Variants in MDGA2 observed in about 807,000 individuals in gnomAD.
The protein encoded by MDGA2 is MAM domain-containing glycosylphosphatidylinositol anchor protein 2.
In MDGA2, 40 loss-of-function variants were observed where a neutral mutation model predicts 117.8. That is an observed-to-expected ratio of 0.34 (90% confidence interval 0.26 to 0.44). MDGA2 has a LOEUF of 0.44. Ranked by LOEUF, MDGA2 falls within the 20% of genes least tolerant of loss-of-function variation. MDGA2 has a pLI of 1.00. For missense variants in MDGA2, 1,123 were observed against 1,250.6 expected, an observed-to-expected ratio of 0.90 and a Z score of 1.54; for synonymous variants, 452 against 439.0, an observed-to-expected ratio of 1.03 and a Z score of -0.37.
rs997344515 is a variant in MDGA2, at chr14:46,855,980, G to A, written c.2753-826C>T. Among the ~76,000 whole-genome samples, 5 of 152,058 alleles carry A rather than the reference G, an allele frequency of 3.3e-5. No individual in the cohort carries two copies. Among genetic ancestry groups the A allele is most frequent in the East Asian group, 1.9e-4 (1 of 5,166 alleles). On this transcript the variant is annotated intron_variant, in intron 14 of 16. Coordinates refer to ENST00000399232, the MANE Select transcript of MDGA2 (RefSeq NM_001113498.3). The surrounding 1 kb of genome is among the most constrained non-coding windows in gnomAD (Gnocchi z 4.1). ...CTCTCTTTCAATAGTTTAATGTGCT[G>A]TACACAGTAATGATATTAATGATGA...
At position 47,133,039 on chromosome 14, in the gene MDGA2, T is replaced by C. The variant is rs141277425; in HGVS notation, c.793-1193A>G. ...TCTAGTGTGCATGGAATTGTGGCCA[T>C]AAGTATTTTCATTCACTGTCCAAAT... is the stretch of plus-strand genomic sequence containing the variant. On this transcript the variant is annotated intron_variant, in intron 4 of 16. Coordinates refer to ENST00000399232, the MANE Select transcript of MDGA2 (RefSeq NM_001113498.3). Among the ~76,000 whole-genome samples, 1,437 of 151,454 alleles carry C rather than the reference T, an allele frequency of 9.5e-3. 19 individuals carry two copies. The highest frequency in any genetic ancestry group is 0.033 in the African/African-American group (1,381 of 41,396).
intron 5 of MDGA2, among the ~76,000 whole-genome samples, chr14:47,124,112 A>C (rs1881783258): frequency 6.6e-6 from 1 of 152,074 alleles, no homozygotes; most frequent in African/African-American, 2.4e-5. Context: ...AAAATTATTA[A>C]AGCACCCATA....
At chr14:47,014,199 A>C (rs1016819032) in intron 8 of MDGA2, among the ~76,000 whole-genome samples, 1 of 152,110 alleles carries the variant, frequency 6.6e-6, no homozygotes. Flanking sequence ...AATATTCCAT[A>C]AACTATGCTG....
intron 5 of MDGA2, among the ~76,000 whole-genome samples, chr14:47,104,476 C>T (rs564297302): frequency 6.8e-6 from 1 of 147,246 alleles, no homozygotes; most frequent in East Asian, 2.1e-4. Flanking sequence ...CACCTTGCGA[C>T]CCCCACTCCT....
chr14:46,921,305 T>A (rs1182231913), intron 9 of MDGA2, among the ~76,000 whole-genome samples: 1 of 152,114 alleles, frequency 6.6e-6, no homozygotes, highest in Non-Finnish European at 1.5e-5. Flanking sequence ...TTTTTCTTTC[T>A]TTTAATTAGA....
chr14:47,322,504 A>T (rs1890010159), intron 1 of MDGA2, among the ~76,000 whole-genome samples: 1 of 152,154 alleles, frequency 6.6e-6, no homozygotes, highest in African/African-American at 2.4e-5. Flanking sequence ...AACTCAAACA[A>T]TCTGACGAGG....
At chr14:47,045,999 G>A (rs1889249163) in intron 7 of MDGA2, among the ~76,000 whole-genome samples, 1 of 146,724 alleles carries the variant, frequency 6.8e-6, no homozygotes, top group East Asian at 2.0e-4. Flanking sequence ...ACCGGGGACT[G>A]TTGTGGGGTG....
intron 9 of MDGA2, among the ~76,000 whole-genome samples, chr14:46,929,439 G>T (rs895062301): frequency 6.6e-6 from 1 of 150,480 alleles, no homozygotes; most frequent in African/African-American, 2.4e-5. Flanking sequence ...TGTGAATACT[G>T]GGTCTATGGA....
At chr14:47,544,100 T>C (rs570953519) in intron 1 of MDGA2, among the ~76,000 whole-genome samples, 1 of 152,336 alleles carries the variant, frequency 6.6e-6, no homozygotes, top group Admixed American at 6.5e-5. Flanking sequence ...TTAAAGATAA[T>C]GTCCACACAT....
At chr14:47,538,204 G>A (rs1006386493) in intron 1 of MDGA2, among the ~76,000 whole-genome samples, 4 of 152,118 alleles carry the variant, frequency 2.6e-5, no homozygotes, top group Admixed American at 2.0e-4. Context: ...ATGTGCCCTG[G>A]ATATATATGG....
intron 1 of MDGA2, among the ~76,000 whole-genome samples, chr14:47,612,802 T>C (rs1184902568): frequency 6.6e-6 from 1 of 152,146 alleles, no homozygotes; most frequent in East Asian, 1.9e-4. Flanking sequence ...CAGGTAAAAA[T>C]ACACAGAATA....
intron 1 of MDGA2, among the ~76,000 whole-genome samples, chr14:47,449,522 A>G (rs1329341720): frequency 6.6e-6 from 1 of 152,184 alleles, no homozygotes; most frequent in East Asian, 1.9e-4. Context: ...AAGTCAACTT[A>G]GAAATCATTT....
In MDGA2 at chr14:47,556,117, G is replaced by A. The variant is rs564061579; in HGVS notation, c.280+118400C>T. On this transcript the variant is annotated intron_variant, in intron 1 of 16. Coordinates refer to ENST00000399232, the MANE Select transcript of MDGA2 (RefSeq NM_001113498.3). ...CAAGCTTTTCTGGCTATATTCGGGT[G>A]GGTAGCTTCACTCAAATTTCCCAGC... is the stretch of plus-strand genomic sequence containing the variant. Among the ~76,000 whole-genome samples the A allele has an allele frequency of 6.6e-5, 10 of 152,254 alleles. No individual in the cohort carries two copies. In the South Asian group the frequency reaches 8.3e-4, roughly 13 times the overall value.
At chr14:47,171,676 C>T (rs192808096) in intron 3 of MDGA2, among the ~76,000 whole-genome samples, 26 of 152,182 alleles carry the variant, frequency 1.7e-4, no homozygotes, top group African/African-American at 5.1e-4. Flanking sequence ...CCAAGATGGC[C>T]GAATAGGAAC....
intron 8 of MDGA2, among the ~76,000 whole-genome samples, chr14:47,003,962 A>G (rs1887623818): frequency 1.3e-5 from 2 of 152,014 alleles, no homozygotes; most frequent in African/African-American, 4.8e-5. Flanking sequence ...GACTGTATCA[A>G]AATTAAAAAT....
chr14:47,447,846 C>G (rs745841085), intron 1 of MDGA2, among the ~76,000 whole-genome samples: 1 of 152,106 alleles, frequency 6.6e-6, no homozygotes, highest in South Asian at 2.1e-4. Context: ...AATATCAGGG[C>G]GTTAGGCTCC....
chr14:47,032,389 C>G (rs1361762579), intron 8 of MDGA2, among the ~76,000 whole-genome samples: 1 of 151,980 alleles, frequency 6.6e-6, no homozygotes, highest in Non-Finnish European at 1.5e-5. Flanking sequence ...GTGTTTGGGA[C>G]AAGCCTGAGC....
At chr14:47,448,047 TTA>T (rs1416784106) in intron 1 of MDGA2, among the ~76,000 whole-genome samples, 1 of 152,130 alleles carries the variant, frequency 6.6e-6, no homozygotes, top group Admixed American at 6.6e-5. Context: ...GCAATCCCTC[TTA>T]TTCTAGTGAG....
chr14:47,012,352 G>T (rs1887923874), intron 8 of MDGA2, among the ~76,000 whole-genome samples: 1 of 152,036 alleles, frequency 6.6e-6, no homozygotes, highest in South Asian at 2.1e-4. Context: ...ATTTTCCACT[G>T]ATTTATTATA....
Sources: gnomAD v4.1 joint callset for allele counts (sites outside exome capture counted in the v4.1 genomes callset) on GRCh38, gnomAD v4.1.1 for gene constraint, Gnocchi (gnomAD v3.1) non-coding constraint, MANE v1.5 for transcripts, NCBI Gene and HGNC (gene_info 2026-07-23, HGNC 2026-07-21) for gene names.